The following SDCCAG8 variants were observed in gnomAD, a reference collection of about 807,000 sequenced individuals.
SDCCAG8 encodes serologically defined colon cancer antigen 8.
In SDCCAG8, 74 loss-of-function variants were observed where a neutral mutation model predicts 101.8. The observed-to-expected ratio is 0.73, with a 90% CI of 0.60 to 0.88. The LOEUF is 0.88. Ranked by LOEUF, SDCCAG8 falls within the 40% of genes least tolerant of loss-of-function variation. The pLI is 0.00. For missense variants in SDCCAG8, 787 were observed against 822.6 expected (o/e 0.96, Z 0.53); for synonymous variants, 281 against 292.9 (o/e 0.96, Z 0.41).
In SDCCAG8 at chr1:243,299,986, T is replaced by C. The variant is rs368962554; in HGVS notation, c.676-4727T>C. On this transcript the variant is annotated intron_variant, in intron 6 of 17. Transcript: ENST00000366541. ...TTCAAGCAATTCTCCTATCTTAGCC[T>C]CCTGAGTAGCTGGTAATATAGGCGC... 5.3e-5 allele frequency among the ~76,000 whole-genome samples: 8 copies of C among 151,924 alleles called. No homozygotes were observed. The East Asian group carries it at 9.7e-4, about 18-fold the overall frequency.
chr1:243,325,607 T>C (rs1181868868), intron 9 of SDCCAG8, among the ~76,000 whole-genome samples: 1 of 152,108 alleles, frequency 6.6e-6, no homozygotes, highest in East Asian at 1.9e-4. Context: ...AATAAATATA[T>C]AACTTGAGAA....
rs901841128 is a variant in SDCCAG8 at position 243,458,599 on chromosome 1, T to C, written c.1986-30415T>C. Among the ~76,000 whole-genome samples the C allele has an allele frequency of 6.6e-6, 1 of 152,078 alleles. No individual in the cohort carries two copies. The highest frequency in any genetic ancestry group is 2.4e-5 in the African/African-American group (1 of 41,412). On this transcript the variant is annotated intron_variant, in intron 16 of 17. Transcript: ENST00000366541. This position sits in a 1 kb window ranked among gnomAD's most constrained non-coding sequence, Gnocchi z 4.5. ...TAACAATGAGGAAACTGAGGCACAG[T>C]GAGGTTGAGTAACAGGCTGAAGGTC...
chr1:243,351,699 C>T (rs751975188), intron 12 of SDCCAG8, among the ~76,000 whole-genome samples: 2 of 152,114 alleles, frequency 1.3e-5, no homozygotes, highest in Non-Finnish European at 2.9e-5. Flanking sequence ...TTGTTCTTGT[C>T]CTGGATGATG....
intron 9 of SDCCAG8, among the ~76,000 whole-genome samples, chr1:243,327,925 T>C (rs913745122): frequency 4.6e-5 from 7 of 152,232 alleles, no homozygotes; most frequent in Non-Finnish European, 7.3e-5. Flanking sequence ...GTTTTTGAGA[T>C]GGAGTCTCGC....
At chr1:243,393,771 T>G (rs1385089620) in intron 13 of SDCCAG8, among the ~76,000 whole-genome samples, 1 of 152,210 alleles carries the variant, frequency 6.6e-6, no homozygotes, top group East Asian at 1.9e-4. Flanking sequence ...AGATTTTTTT[T>G]ATATGCTTTC....
At chr1:243,486,684 A>G (rs1664946529) in intron 16 of SDCCAG8, among the ~76,000 whole-genome samples, 1 of 152,202 alleles carries the variant, frequency 6.6e-6, no homozygotes, top group African/African-American at 2.4e-5. Context: ...ATGGGCTGCC[A>G]TCCCTTTTCA....
chr1:243,485,110 A>T (rs1409568581), intron 16 of SDCCAG8, among the ~76,000 whole-genome samples: 1 of 151,944 alleles, frequency 6.6e-6, no homozygotes, highest in Non-Finnish European at 1.5e-5. Context: ...CGTTTGGTGA[A>T]TTAACTCAGT....
chr1:243,327,340 T>C (rs1353680703), intron 9 of SDCCAG8, among the ~76,000 whole-genome samples: 6 of 146,930 alleles, frequency 4.1e-5, no homozygotes, highest in African/African-American at 1.5e-4. Context: ...ATTATAATTT[T>C]ATAGAAATTA....
At chr1:243,460,264 AT>A (rs1005124950) in intron 16 of SDCCAG8, among the ~76,000 whole-genome samples, 44 of 150,930 alleles carry the variant, frequency 2.9e-4, no homozygotes, top group African/African-American at 7.8e-4. Flanking sequence ...AAGAGGCATG[AT>A]TTTTTTTTTC....
intron 10 of SDCCAG8, among the ~76,000 whole-genome samples, chr1:243,338,116 C>G (rs934109099): frequency 1.3e-5 from 2 of 151,978 alleles, no homozygotes; most frequent in Non-Finnish European, 1.5e-5. Flanking sequence ...GAATTGGGGT[C>G]TCATTATGTT....
intron 12 of SDCCAG8, among the ~76,000 whole-genome samples, chr1:243,347,571 C>T (rs563345170): frequency 6.6e-6 from 1 of 152,282 alleles, no homozygotes; most frequent in African/African-American, 2.4e-5. Flanking sequence ...TAAAATGCCT[C>T]ATTGTCATTC....
At chr1:243,483,873 G>C (rs144945716) in intron 16 of SDCCAG8, among the ~76,000 whole-genome samples, 5 of 152,332 alleles carry the variant, frequency 3.3e-5, no homozygotes, top group Non-Finnish European at 7.3e-5. Flanking sequence ...CTGCAGAAGA[G>C]CTTCTCAGCT....
chr1:243,352,543 C>T (rs2147820454), intron 12 of SDCCAG8, among the ~76,000 whole-genome samples: 1 of 152,282 alleles, frequency 6.6e-6, no homozygotes, highest in South Asian at 2.1e-4. Context: ...TTAAATGTGT[C>T]CATGCAGCCC....
intron 9 of SDCCAG8, among the ~76,000 whole-genome samples, chr1:243,321,849 A>C (rs1368459633): frequency 1.3e-5 from 2 of 152,170 alleles, no homozygotes; most frequent in African/African-American, 2.4e-5. Flanking sequence ...GCGTTTTGCC[A>C]TGTTGGCCAG....
intron 9 of SDCCAG8, among the ~76,000 whole-genome samples, chr1:243,319,385 T>G (rs2073555519): frequency 6.6e-6 from 1 of 152,172 alleles, no homozygotes; most frequent in South Asian, 2.1e-4. Context: ...TTATTATCAT[T>G]TTTTTGAGAC....
intron 6 of SDCCAG8, among the ~76,000 whole-genome samples, chr1:243,300,028 C>T (rs2071347080): frequency 6.6e-6 from 1 of 152,004 alleles, no homozygotes; most frequent in African/African-American, 2.4e-5. Flanking sequence ...CCACACCCAG[C>T]TAATTTTTGT....
At chr1:243,455,455 A>G (rs886480957) in intron 16 of SDCCAG8, among the ~76,000 whole-genome samples, 1 of 152,106 alleles carries the variant, frequency 6.6e-6, no homozygotes, top group African/African-American at 2.4e-5. Context: ...TTTTTAATAG[A>G]GTTGGGTTTC....
At chr1:243,358,884 A>AT (rs1315296831) in intron 12 of SDCCAG8, among the ~76,000 whole-genome samples, 5 of 152,248 alleles carry the variant, frequency 3.3e-5, no homozygotes, top group Admixed American at 1.3e-4. Flanking sequence ...GTATGATTCA[A>AT]TTTATATGAA....
intron 1 of SDCCAG8, among the ~76,000 whole-genome samples, chr1:243,265,883 A>G (rs563848701): frequency 5.9e-5 from 9 of 151,594 alleles, no homozygotes; most frequent in Admixed American, 1.3e-4. Context: ...GCTTTTAACT[A>G]TGCAAATTCT....
Sources: allele counts gnomAD v4.1 joint callset (sites outside exome capture counted in the v4.1 genomes callset), GRCh38; gene constraint gnomAD v4.1.1; non-coding constraint Gnocchi (gnomAD v3.1); transcripts MANE v1.5; gene names NCBI Gene and HGNC (gene_info 2026-07-23, HGNC 2026-07-21).